Variants in USP36 observed in about 807,000 individuals in gnomAD.
The protein encoded by USP36 is ubiquitin specific peptidase 36.
In USP36, 59 loss-of-function variants were observed where a neutral mutation model predicts 111.5. The observed-to-expected ratio is 0.53, with a 90% CI of 0.43 to 0.66. USP36 has a LOEUF of 0.66. USP36 is among the 30% of genes least tolerant of loss of function. The pLI, the probability that USP36 is intolerant of heterozygous loss-of-function variation, is 0.00. For missense variants in USP36, 1,488 were observed against 1,468.0 expected (o/e 1.01, Z -0.22); for synonymous variants, 628 against 581.0 (o/e 1.08, Z -1.16).
At chr17:78,830,896 T>C (rs1024158668) in intron 4 of USP36, among the ~76,000 whole-genome samples, 7 of 151,956 alleles carry the variant, frequency 4.6e-5, no homozygotes, top group African/African-American at 1.7e-4. Flanking sequence ...CAATAATGAT[T>C]GGTGAACTCA....
chr17:78,806,927 A>G (rs1168735747), intron 14 of USP36, 32 bp downstream of exon 14: 47 of 1,606,264 alleles, frequency 2.9e-5, no homozygotes, highest in Non-Finnish European at 3.8e-5. Flanking sequence ...CTCTCCTGAT[A>G]CACAGCAGCG....
At chr17:78,815,842 CACACACAT>C (rs368577222) in intron 10 of USP36, among the ~76,000 whole-genome samples, 10 of 135,772 alleles carry the variant, frequency 7.4e-5, no homozygotes, top group African/African-American at 2.7e-4. Context: ...TATACATACA[CACACACAT>C]ATGCATGCAT....
At chr17:78,790,669 G>A (rs114100446), downstream of USP36, among the ~76,000 whole-genome samples, 704 of 152,238 alleles carry the variant, frequency 4.6e-3, 6 homozygotes, top group African/African-American at 0.016. Flanking sequence ...TTACAAGCAT[G>A]AGCCACTGCG....
chr17:78,798,143 A>T lies in USP36; in HGVS notation c.*20+257T>A. 1 of 492,126 alleles carries T rather than the reference A, an allele frequency of 2.0e-6. No individual in the cohort carries two copies. The highest frequency in any genetic ancestry group is 2.8e-5 in the South Asian group (1 of 35,838). 30.5% of individuals were successfully genotyped at this position (492,126 alleles called of 1,614,324 possible). A position where few individuals can be genotyped will look rare whatever the true frequency, so the allele number is the denominator to read the frequency against. ...GGTGTACACACCCCACACCCAACACACACTACACACACCCCCTTATACACA... is the reference window on the plus strand; with the variant it reads ...GGTGTACACACCCCACACCCAACACTCACTACACACACCCCCTTATACACA... On this transcript the variant is annotated intron_variant, in intron 20 of 20. Coordinates refer to ENST00000449938, the MANE Select transcript of USP36 (RefSeq NM_001385174.1). This position sits in a 1 kb window ranked among gnomAD's most constrained non-coding sequence, Gnocchi z 5.1.
chr17:78,817,898 C>T (rs778125694), intron 10 of USP36, among the ~76,000 whole-genome samples: 6 of 152,064 alleles, frequency 3.9e-5, no homozygotes, highest in Non-Finnish European at 7.4e-5. Context: ...CTGGGCAACA[C>T]AGCAAGATGC....
chr17:78,824,610 G>C (rs542593484), intron 6 of USP36, among the ~76,000 whole-genome samples: 2 of 152,244 alleles, frequency 1.3e-5, no homozygotes, highest in African/African-American at 2.4e-5. Flanking sequence ...AATATCCAAA[G>C]AAATTTGAGA....
intron 4 of USP36, among the ~76,000 whole-genome samples, chr17:78,831,204 C>T (rs368971497): frequency 5.8e-5 from 6 of 104,104 alleles, no homozygotes; most frequent in African/African-American, 2.3e-4. Flanking sequence ...CCGGCCTGGG[C>T]GACAGAGTGA....
At chr17:78,828,826 G>A (rs972171746) in intron 5 of USP36, 71 bp downstream of exon 5, 44 of 1,458,862 alleles carry the variant, frequency 3.0e-5, no homozygotes, top group African/African-American at 2.7e-4. Flanking sequence ...GCAACATAGC[G>A]AGAACCCCAT....
At chr17:78,802,205 T>G in intron 17 of USP36, 119 bp downstream of exon 17, 1 of 259,414 alleles carries the variant, frequency 3.9e-6, no homozygotes, top group Non-Finnish European at 4.7e-6. Flanking sequence ...GTCCAACCCC[T>G]CGCCCAGTGC....
Position 78,814,484 on chromosome 17 carries a change from C to T in USP36, c.1092G>A (p.Met364Ile), listed in dbSNP as rs1205875095. 3 of 1,614,232 alleles carry T rather than the reference C, an allele frequency of 1.9e-6. No individual in the cohort carries two copies. Among genetic ancestry groups the T allele is most frequent in the Non-Finnish European group, 2.5e-6 (3 of 1,180,030 alleles). ...GCACCAGGACAGCATAGAGTCCATA[C>T]ATGACAGGATCACCATTATTCTGGG... is the stretch of plus-strand genomic sequence containing the variant. ...YMSQNNGDPV[M>I]YGLYAVLVHS... is the part of the protein sequence containing the mutation. The change falls in exon 11 of 21, where the codon ATG becomes ATA. Residue 364 changes from methionine to isoleucine, a missense_variant. By Grantham distance (10) the Met-to-Ile change is conservative. This residue lies in a region of USP36 where 1,073 missense variants were observed against 994.1 expected (regional missense o/e 1.08). Coordinates refer to ENST00000449938, the MANE Select transcript of USP36 (RefSeq NM_001385174.1).
intron 13 of USP36, among the ~76,000 whole-genome samples, chr17:78,808,415 T>A (rs2093968400): frequency 6.6e-6 from 1 of 152,100 alleles, no homozygotes; most frequent in Non-Finnish European, 1.5e-5. Context: ...CACACCCGAA[T>A]AATTATTACT....
chr17:78,792,108 G>C (rs1267731396), downstream of USP36: 3 of 152,412 alleles, frequency 2.0e-5, no homozygotes, highest in African/African-American at 4.8e-5. Context: ...GCAAGAGTGG[G>C]AATTAGGTCA....
chr17:78,830,605 T>C (rs1014128935), intron 4 of USP36, among the ~76,000 whole-genome samples: 4 of 152,194 alleles, frequency 2.6e-5, no homozygotes, highest in African/African-American at 9.7e-5. Context: ...TTACCTATTA[T>C]CTATTATCAA....
chr17:78,836,061 T>C (rs952992582), intron 3 of USP36, 50 bp downstream of exon 3: 2 of 1,593,306 alleles, frequency 1.3e-6, no homozygotes, highest in African/African-American at 2.7e-5. Flanking sequence ...TCCATCCACT[T>C]CGTCACCCCG....
rs370803180 is a variant in USP36, at chr17:78,798,970, T to C, written c.3178A>G (p.Ser1060Gly). Residue 1060 changes from serine (S) to glycine (G), a missense_variant, in exon 19 of 21, where the codon AGC (serine) becomes GGC (glycine). Physicochemically the swap from Ser to Gly is moderately conservative, Grantham distance 56. Around this residue, in one of 3 missense-constraint regions of USP36, gnomAD observed 1,073 missense variants for 994.1 expected, o/e 1.08. Coordinates refer to ENST00000449938, the MANE Select transcript of USP36 (RefSeq NM_001385174.1). This position sits in a 1 kb window ranked among gnomAD's most constrained non-coding sequence, Gnocchi z 5.1. ...SAVSQDAIED[S>G]RQARTETVVD... is the part of the protein sequence containing the mutation. ...ACGGTCTCAGTCCGGGCCTGTCTGC[T>C]GTCTTCAATAGCATCCTGACTGACC... The C allele has an allele frequency of 5.0e-6, 8 of 1,614,084 alleles. No individual in the cohort carries two copies. In the African/African-American group the frequency reaches 8.0e-5, roughly 16 times the overall value.
intron 10 of USP36, among the ~76,000 whole-genome samples, chr17:78,815,044 A>G (rs1186465998): frequency 6.6e-6 from 1 of 151,822 alleles, no homozygotes; most frequent in Non-Finnish European, 1.5e-5. Context: ...ATTAAAAACC[A>G]AGATGCTGGC....
intron 17 of USP36, among the ~76,000 whole-genome samples, chr17:78,800,406 G>T (rs1036662537): frequency 1.3e-5 from 2 of 152,222 alleles, no homozygotes; most frequent in Non-Finnish European, 2.9e-5. Context: ...AGCACCTCGG[G>T]ACCAGGACAG....
intron 4 of USP36, among the ~76,000 whole-genome samples, chr17:78,834,924 C>T (rs11653982): frequency 1.3e-3 from 200 of 151,178 alleles, no homozygotes; most frequent in Middle Eastern, 3.4e-3. Flanking sequence ...AAGACTACAA[C>T]GAGTTGTGAT....
At chr17:78,802,202 C>A in intron 17 of USP36, 122 bp downstream of exon 17, 2 of 1,205,902 alleles carry the variant, frequency 1.7e-6, no homozygotes, top group South Asian at 3.1e-5. Context: ...GCGGTCCAAC[C>A]CCTCGCCCAG....
Sources: allele counts gnomAD v4.1 joint callset (sites outside exome capture counted in the v4.1 genomes callset), GRCh38; gene constraint gnomAD v4.1.1; regional missense constraint gnomAD v4.1.1; non-coding constraint Gnocchi (gnomAD v3.1); transcripts MANE v1.5; gene names NCBI Gene and HGNC (gene_info 2026-07-23, HGNC 2026-07-21).